The following SNX29 variants were observed in gnomAD, a reference collection of about 807,000 sequenced individuals.
SNX29 encodes sorting nexin 29, also known as sorting nexin-29.
Under a neutral mutation model 102.1 loss-of-function variants are expected in SNX29, and 78 were observed. The observed-to-expected ratio is 0.76, with a 90% confidence interval of 0.64 to 0.92. The LOEUF (loss-of-function observed/expected upper bound fraction) is 0.92, where lower values mean the gene tolerates loss of function less well. SNX29 is among the 40% of genes least tolerant of loss of function. The pLI is 0.00. For synonymous variants in SNX29, 580 were observed against 414.5 expected, an observed-to-expected ratio of 1.40 and a Z score of -4.85; for missense variants, 1,280 against 1,061.7, an observed-to-expected ratio of 1.21 and a Z score of -2.86.
intron 18 of SNX29, among the ~76,000 whole-genome samples, chr16:12,415,744 A>G (rs1436471898): frequency 1.3e-5 from 2 of 152,182 alleles, no homozygotes; most frequent in Admixed American, 6.5e-5. Flanking sequence ...GCGGGTCTCC[A>G]TGGGGAACAG....
At chr16:12,148,532 C>A (rs2055161647) in intron 13 of SNX29, among the ~76,000 whole-genome samples, 1 of 152,138 alleles carries the variant, frequency 6.6e-6, no homozygotes, top group South Asian at 2.1e-4. Context: ...CTTGTCCAAT[C>A]TCCCCCTCCC....
Position 12,046,409 on chromosome 16 carries a change from G to C in SNX29, c.454G>C (p.Val152Leu), listed in dbSNP as rs760719731. 3 of 1,613,800 alleles carry C rather than the reference G, an allele frequency of 1.9e-6. No individual in the cohort carries two copies. The Admixed American group carries it at 5.0e-5, about 27-fold the overall frequency. The change falls in exon 6 of 21, where the codon GTG (valine) becomes CTG (leucine). Residue 152 changes from valine (V) to leucine (L), a missense_variant. Transcript: ENST00000566228. ...CACTTTTTATGAAGACTGGTCTTTT[G>C]TGATGGATGAAGAAAGGTCCAGTAT... ...LSTFYEDWSF[V>L]MDEERSSMLP...
At chr16:12,438,952 A>G (rs2085667559) in intron 18 of SNX29, among the ~76,000 whole-genome samples, 1 of 152,176 alleles carries the variant, frequency 6.6e-6, no homozygotes, top group Admixed American at 6.5e-5. Flanking sequence ...ATGTAAGGTG[A>G]GGGTAGAGAG....
At chr16:12,077,252 C>G (rs1339066385) in intron 10 of SNX29, among the ~76,000 whole-genome samples, 2 of 151,446 alleles carry the variant, frequency 1.3e-5, no homozygotes, top group Admixed American at 6.6e-5. Flanking sequence ...GCACTCCAGC[C>G]TAGTTAACGG....
chr16:12,475,518 A>G (rs1364823712), intron 18 of SNX29, among the ~76,000 whole-genome samples: 1 of 152,228 alleles, frequency 6.6e-6, no homozygotes, highest in African/African-American at 2.4e-5. Flanking sequence ...TGTCCCGGTA[A>G]GCCCATTGTG....
At chr16:12,539,357 T>G (rs1385529978) in intron 20 of SNX29, among the ~76,000 whole-genome samples, 1 of 152,028 alleles carries the variant, frequency 6.6e-6, no homozygotes. Context: ...GGAATCATAC[T>G]GTAAGCAACC....
Position 12,554,279 on chromosome 16 carries a change from A to G in SNX29, c.2319-14227A>G, listed in dbSNP as rs75919263. Among the ~76,000 whole-genome samples the G allele has an allele frequency of 7.2e-3, 1,104 of 152,292 alleles. 18 individuals are homozygous for G. Among genetic ancestry groups the G allele is most frequent in the African/African-American group, 0.025 (1,054 of 41,538 alleles). ...TGCCTTTTGGTGCATCTGTGTATAC[A>G]TGGGTGCTTGCTTCATATGAGGTTT... On this transcript the variant is annotated intron_variant, in intron 20 of 20. Coordinates refer to ENST00000566228, the MANE Select transcript of SNX29 (RefSeq NM_032167.5).
intron 1 of SNX29, among the ~76,000 whole-genome samples, chr16:11,985,672 A>T (rs951024222): frequency 3.3e-5 from 5 of 152,096 alleles, no homozygotes; most frequent in African/African-American, 1.2e-4. Flanking sequence ...CTGGGAGTCC[A>T]TCCTACTAAA....
intron 19 of SNX29, among the ~76,000 whole-genome samples, chr16:12,481,964 A>G (rs1390792555): frequency 6.6e-6 from 1 of 152,186 alleles, no homozygotes; most frequent in Non-Finnish European, 1.5e-5. Flanking sequence ...TCCCATTTCC[A>G]AAGGAGGATT....
intron 14 of SNX29, among the ~76,000 whole-genome samples, chr16:12,236,427 G>T (rs2077934881): frequency 6.6e-6 from 1 of 152,184 alleles, no homozygotes. Flanking sequence ...CCACAGCAAT[G>T]CTGAACTACT....
chr16:12,541,471 C>G (rs1017096585), intron 20 of SNX29, among the ~76,000 whole-genome samples: 2 of 152,146 alleles, frequency 1.3e-5, no homozygotes, highest in African/African-American at 2.4e-5. Context: ...CTTGATGGAG[C>G]CAGGATCTCA....
chr16:12,365,751 C>T lies in SNX29; in HGVS notation c.1899+9472C>T, dbSNP rs1373516123. 2.7e-5 allele frequency among the ~76,000 whole-genome samples: 4 copies of T among 145,606 alleles called. 1 individual carries two copies. On this transcript the variant is annotated intron_variant, in intron 16 of 20. Transcript: ENST00000566228. ...TAGAGAAGGCAGAGTTGCCCAAAAG[C>T]AGAACAGTGGGCCGGGCGCGGTGGC...
intron 10 of SNX29, among the ~76,000 whole-genome samples, chr16:12,077,358 A>T (rs955461705): frequency 1.4e-5 from 2 of 146,926 alleles, no homozygotes; most frequent in African/African-American, 2.6e-5. Context: ...TATGTTGTTG[A>T]TGTTTTGGTA....
At chr16:12,546,033 C>T (rs560508731) in intron 20 of SNX29, among the ~76,000 whole-genome samples, 4 of 152,188 alleles carry the variant, frequency 2.6e-5, no homozygotes. Flanking sequence ...AACCCACACC[C>T]TTGAGTACAC....
intron 3 of SNX29, among the ~76,000 whole-genome samples, chr16:12,013,109 G>C (rs1032353888): frequency 2.6e-5 from 4 of 151,500 alleles, no homozygotes; most frequent in African/African-American, 7.3e-5. Context: ...GAAGGATTGA[G>C]GTTTGGGACT....
intron 13 of SNX29, among the ~76,000 whole-genome samples, chr16:12,174,940 AC>A (rs949355444): frequency 2.6e-5 from 4 of 151,934 alleles, no homozygotes; most frequent in African/African-American, 7.3e-5. Context: ...TAAAAAAAAA[AC>A]AACCAATTAT....
At chr16:12,563,557 C>G (rs1380019528) in intron 20 of SNX29, among the ~76,000 whole-genome samples, 1 of 152,202 alleles carries the variant, frequency 6.6e-6, no homozygotes, top group Non-Finnish European at 1.5e-5. Context: ...CCTGAGGGGT[C>G]TACCCCACCC....
chr16:12,055,261 TCTTG>T (rs2050473815), intron 8 of SNX29, among the ~76,000 whole-genome samples: 1 of 147,832 alleles, frequency 6.8e-6, no homozygotes, highest in Admixed American at 6.9e-5. Flanking sequence ...TGAGATGGAG[TCTTG>T]CTTTGTCACC....
chr16:12,369,484 T>C (rs765396999), intron 16 of SNX29, among the ~76,000 whole-genome samples: 2 of 152,228 alleles, frequency 1.3e-5, no homozygotes, highest in Non-Finnish European at 2.9e-5. Context: ...AAGGGGTTCC[T>C]GTGCCTGGGG....
Sources: allele counts gnomAD v4.1 joint callset (sites outside exome capture counted in the v4.1 genomes callset), GRCh38; gene constraint gnomAD v4.1.1; transcripts MANE v1.5; gene names NCBI Gene and HGNC (gene_info 2026-07-23, HGNC 2026-07-21).